The following PDE10A variants were observed in gnomAD, a reference collection of about 807,000 sequenced individuals.
The protein encoded by PDE10A is cAMP and cAMP-inhibited cGMP 3',5'-cyclic phosphodiesterase 10A.
PDE10A carries 39 observed loss-of-function variants against 97.7 expected under a neutral mutation model. That is an observed-to-expected ratio of 0.40 (90% CI 0.31 to 0.52). The LOEUF (loss-of-function observed/expected upper bound fraction) is 0.52, where lower values mean the gene tolerates loss of function less well. Ranked by LOEUF, PDE10A falls within the 20% of genes least tolerant of loss-of-function variation. The pLI is 0.56. For missense variants in PDE10A, 731 were observed against 1,047.8 expected (o/e 0.70, Z 4.17); for synonymous variants, 371 against 376.8 (o/e 0.98, Z 0.18).
rs143144877 is a variant in PDE10A at position 165,670,998 on chromosome 6, C to A, written c.-614-127430G>T. 4.8e-3 allele frequency among the ~76,000 whole-genome samples: 733 copies of A among 152,308 alleles called. 4 individuals are homozygous for A. Among genetic ancestry groups the A allele is most frequent in the African/African-American group, 0.017 (709 of 41,568 alleles). On this transcript the variant is annotated intron_variant, in intron 1 of 19. Transcript: ENST00000366882. Reference sequence around the variant, plus strand: ...TTGCCTTCTAATTTTTGGAGTCTAACAAATGGCACTTTATACGTCTACAGA... The same window carrying A: ...TTGCCTTCTAATTTTTGGAGTCTAAAAAATGGCACTTTATACGTCTACAGA...
intron 12 of PDE10A, among the ~76,000 whole-genome samples, chr6:165,414,330 T>G (rs1788151796): frequency 6.6e-6 from 1 of 152,194 alleles, no homozygotes; most frequent in Non-Finnish European, 1.5e-5. Context: ...AGAAAAGGCT[T>G]GCTGACTCCT....
chr6:165,503,824 A>G (rs1256309748), intron 2 of PDE10A, among the ~76,000 whole-genome samples: 17 of 152,228 alleles, frequency 1.1e-4, no homozygotes, highest in Non-Finnish European at 2.4e-4. Context: ...GCAAAAAAAA[A>G]TAAGTAACTG....
In PDE10A at chr6:165,711,321, A is replaced by T. The variant is rs1020588184; in HGVS notation, c.-614-167753T>A. ...AAGTTGGGCACTGTGGCACCATTACAGATGGTATGATTCAGCGTGCTAAAG... is the reference window on the plus strand; with the variant it reads ...AAGTTGGGCACTGTGGCACCATTACTGATGGTATGATTCAGCGTGCTAAAG... On this transcript the variant is annotated intron_variant, in intron 1 of 19. Coordinates refer to the PDE10A transcript ENST00000366882. This position sits in a 1 kb window ranked among gnomAD's most constrained non-coding sequence, Gnocchi z 4.5. 6.6e-6 allele frequency among the ~76,000 whole-genome samples: 1 copy of T among 152,184 alleles called. No homozygotes were observed. The highest frequency in any genetic ancestry group is 2.4e-5 in the African/African-American group (1 of 41,440).
At chr6:165,549,318 G>T (rs1371678537) in intron 1 of PDE10A, among the ~76,000 whole-genome samples, 6 of 152,022 alleles carry the variant, frequency 3.9e-5, no homozygotes. Flanking sequence ...AGTTATTACG[G>T]TTTTTTCTGT....
At chr6:165,666,420 G>C (rs1317790036), upstream of PDE10A, among the ~76,000 whole-genome samples, 5 of 152,070 alleles carry the variant, frequency 3.3e-5, no homozygotes, top group Non-Finnish European at 5.9e-5. Flanking sequence ...AAAATGCATA[G>C]CAAAATAAAT....
chr6:165,621,227 T>G (rs1012753678), intron 1 of PDE10A, among the ~76,000 whole-genome samples: 7 of 148,166 alleles, frequency 4.7e-5, no homozygotes, highest in African/African-American at 1.8e-4. Flanking sequence ...AAAGATACAT[T>G]GAAAACATTT....
Position 165,333,053 on chromosome 6 carries a change from G to A in PDE10A, c.3140C>T (p.Ala1047Val), listed in dbSNP as rs778570787. The A allele has an allele frequency of 1.6e-5, 26 of 1,612,044 alleles. No homozygotes were observed. In the East Asian group the frequency reaches 3.1e-4, roughly 19 times the overall value. The stretch of plus-strand genomic sequence containing the variant: ...ATCTTCAGATGCAGCTGCCTTCTGA[G>A]CCACGGATGGGGATGAAATCCAGGT... ...TATWISSPSV[A>V]QKAAASED is the part of the protein sequence containing the mutation. The change falls in exon 22 of 22, where the codon GCT (alanine) becomes GTT (valine). Residue 1047 changes from alanine to valine, a missense_variant. Physicochemically the swap from Ala to Val is moderately conservative, Grantham distance 64 (BLOSUM62 0). Coordinates refer to ENST00000539869, the MANE Select transcript of PDE10A (RefSeq NM_001385079.1).
At chr6:165,847,173 G>T (rs894221837) in intron 1 of PDE10A, among the ~76,000 whole-genome samples, 2 of 152,278 alleles carry the variant, frequency 1.3e-5, no homozygotes, top group East Asian at 3.9e-4. Context: ...AAATTCACTG[G>T]CTACCCTTTA....
At chr6:165,530,966 T>C (rs2128314554) in intron 2 of PDE10A, among the ~76,000 whole-genome samples, 1 of 152,328 alleles carries the variant, frequency 6.6e-6, no homozygotes, top group Admixed American at 6.5e-5. Context: ...TCAATCTTTA[T>C]ACATGTCCCA....
intron 1 of PDE10A, among the ~76,000 whole-genome samples, chr6:165,717,650 G>A (rs867518596): frequency 1.4e-4 from 21 of 152,174 alleles, no homozygotes; most frequent in Middle Eastern, 6.8e-3. Context: ...TATATATCCA[G>A]AAATGGAATT....
At chr6:165,945,298 C>T (rs1379252115) in intron 1 of PDE10A, among the ~76,000 whole-genome samples, 1 of 152,192 alleles carries the variant, frequency 6.6e-6, no homozygotes, top group Non-Finnish European at 1.5e-5. Flanking sequence ...AGCATCTAAA[C>T]TGAAGTCTCA....
intron 1 of PDE10A, among the ~76,000 whole-genome samples, chr6:165,963,548 C>T (rs1049727822): frequency 6.6e-6 from 1 of 152,210 alleles, no homozygotes; most frequent in Non-Finnish European, 1.5e-5. Flanking sequence ...AGGACAACAT[C>T]TACCCCAGTG....
intron 1 of PDE10A, among the ~76,000 whole-genome samples, chr6:165,750,817 G>A (rs756950874): frequency 2.6e-5 from 4 of 152,204 alleles, no homozygotes; most frequent in Admixed American, 2.0e-4. Context: ...TGCACAGAAC[G>A]TGGTGTGAGG....
At chr6:165,632,372 A>C (rs56329517) in intron 1 of PDE10A, among the ~76,000 whole-genome samples, 24,783 of 152,126 alleles carry the variant, frequency 0.16, 2,545 homozygotes, top group Non-Finnish European at 0.23. Flanking sequence ...AGACTGTGAC[A>C]GCAAACATCA....
intron 12 of PDE10A, 123 bp from the exon 13 acceptor site, chr6:165,413,810 T>A: frequency 1.5e-6 from 1 of 671,292 alleles, no homozygotes; most frequent in Non-Finnish European, 2.5e-6. Flanking sequence ...TGCATATGAC[T>A]AATGGCACTT....
intron 1 of PDE10A, among the ~76,000 whole-genome samples, chr6:165,613,228 G>T (rs1038258113): frequency 1.3e-5 from 2 of 151,934 alleles, no homozygotes; most frequent in Non-Finnish European, 2.9e-5. Flanking sequence ...ATGTGTTCAG[G>T]TTTTTTTAAT....
chr6:165,573,098 C>T (rs558900573), intron 1 of PDE10A, among the ~76,000 whole-genome samples: 60 of 152,236 alleles, frequency 3.9e-4, no homozygotes, highest in Non-Finnish European at 6.5e-4. Context: ...GATATAGGCA[C>T]CTTGGTCTGC....
intron 1 of PDE10A, among the ~76,000 whole-genome samples, chr6:165,829,041 A>G (rs1779835613): frequency 6.6e-6 from 1 of 152,212 alleles, no homozygotes; most frequent in South Asian, 2.1e-4. Flanking sequence ...CACCCTGCAG[A>G]TGAAGTGTTG....
intron 1 of PDE10A, among the ~76,000 whole-genome samples, chr6:165,753,210 C>T (rs534898520): frequency 6.6e-6 from 1 of 152,164 alleles, no homozygotes; most frequent in Non-Finnish European, 1.5e-5. Flanking sequence ...ACAGTTTAGC[C>T]ATTAGAAATG....
Sources: gnomAD v4.1 joint callset for allele counts (sites outside exome capture counted in the v4.1 genomes callset) on GRCh38, gnomAD v4.1.1 for gene constraint, Gnocchi (gnomAD v3.1) non-coding constraint, MANE v1.5 for transcripts, NCBI Gene and HGNC (gene_info 2026-07-23, HGNC 2026-07-21) for gene names.